ITGA11: variants seen among roughly 807,000 people sequenced by gnomAD.
ITGA11 encodes integrin subunit alpha 11, also known as integrin alpha-11.
In ITGA11, 97 loss-of-function variants were observed where a neutral mutation model predicts 141.9. The observed-to-expected ratio is 0.68, with a 90% CI of 0.58 to 0.81. The LOEUF (loss-of-function observed/expected upper bound fraction) is 0.81. ITGA11 is among the 30% of genes least tolerant of loss of function. The pLI is 0.00. For missense variants in ITGA11, 1,387 were observed against 1,559.2 expected (o/e 0.89, Z 1.86); for synonymous variants, 658 against 624.6 (o/e 1.05, Z -0.80).
intron 2 of ITGA11, among the ~76,000 whole-genome samples, chr15:68,378,835 A>C (rs1319562867): frequency 6.6e-6 from 1 of 152,062 alleles, no homozygotes; most frequent in African/African-American, 2.4e-5. Flanking sequence ...TATCATCACA[A>C]ACGTCAACTT....
In ITGA11 at chr15:68,335,631, G is replaced by A; in HGVS notation, c.1425+66C>T. On this transcript the variant is annotated intron_variant, in intron 12 of 29. Coordinates refer to ENST00000315757, the MANE Select transcript of ITGA11 (RefSeq NM_001004439.2). This position sits in a 1 kb window ranked among gnomAD's most constrained non-coding sequence, Gnocchi z 4.9. ...TGGTCCAGGCATGCCTGTATTTACT[G>A]CCCTCCCATTTGTCTGATCTGCCCC... is the stretch of plus-strand genomic sequence containing the variant. The A allele has an allele frequency of 6.4e-7, 1 of 1,553,642 alleles. No individual in the cohort carries two copies. Among genetic ancestry groups the A allele is most frequent in the Non-Finnish European group, 8.8e-7 (1 of 1,137,514 alleles).
At chr15:68,397,196 A>T in intron 2 of ITGA11, among the ~76,000 whole-genome samples, 28 of 34 alleles carry the variant, frequency 0.82, 14 homozygotes, top group Admixed American at 1. Context: ...AATATATTAT[A>T]TATTATATAT....
rs200437386 is a variant in ITGA11 at position 68,315,661 on chromosome 15, C to A, written c.2782G>T (p.Ala928Ser). Residue 928 changes from alanine to serine, a missense_variant, in exon 22 of 30, where the codon GCT becomes TCT. Physicochemically the swap from Ala to Ser is moderately conservative, Grantham distance 99 (BLOSUM62 1). Coordinates refer to ENST00000315757, the MANE Select transcript of ITGA11 (RefSeq NM_001004439.2). ...IFLHHLEIEL[A>S]AGSDSNERDS... ...AGGCACGGCCCTGACCTGCCTGCAG[C>A]GAGCTCGATCTCCAGGTGGTGTAGG... 5 of 1,613,134 alleles carry A rather than the reference C, an allele frequency of 3.1e-6. No individual in the cohort carries two copies. The highest frequency in any genetic ancestry group is 4.2e-6 in the Non-Finnish European group (5 of 1,179,456).
intron 7 of ITGA11, among the ~76,000 whole-genome samples, chr15:68,354,116 C>A (rs763084394): frequency 1.3e-5 from 2 of 152,146 alleles, no homozygotes; most frequent in Non-Finnish European, 2.9e-5. Context: ...GCTCCACTCC[C>A]GCTACCACAC....
At position 68,302,055 on chromosome 15, in the gene ITGA11, A is replaced by AGTGTGTGTGTGTGTGTGTGTGTGT. The variant is rs3084584; in HGVS notation, c.*980_*1003dup. 1.3e-4 allele frequency: 13 copies of AGTGTGTGTGTGTGTGTGTGTGTGT among 103,872 alleles called. No homozygotes were observed. Among genetic ancestry groups the AGTGTGTGTGTGTGTGTGTGTGTGT allele is most frequent in the African/African-American group, 2.2e-4 (6 of 27,472 alleles). The allele number at this position is 103,872 out of a possible 1,614,324, so 6.4% of individuals were successfully genotyped here. ...CGGGCATGAGGGAAGGATGGGAGGC[A>AGTGTGTGTGTGTGTGTGTGTGTGT]GTGTGTGTGTGTGTGTGTGTGTGTG... On this transcript the variant is annotated 3_prime_UTR_variant, in exon 30 of 30. Coordinates refer to ENST00000315757, the MANE Select transcript of ITGA11 (RefSeq NM_001004439.2).
In ITGA11 at chr15:68,348,707, A is replaced by G. The variant is rs1378993115; in HGVS notation, c.1131+123T>C. 3.8e-6 allele frequency: 3 copies of G among 791,014 alleles called. No homozygotes were observed. In the African/African-American group the frequency reaches 5.2e-5, roughly 14 times the overall value. The allele number at this position is 791,014 out of a possible 1,614,324, so 49.0% of individuals were successfully genotyped here. A position where few individuals can be genotyped will look rare whatever the true frequency, so the allele number is the denominator to read the frequency against. ...GGCAGAGAGACCCCAAGAAAGAGAG[A>G]AAGTGAGGAGAAGAGCCAACCCATC... On this transcript the variant is annotated intron_variant, in intron 10 of 29. Coordinates refer to ENST00000315757, the MANE Select transcript of ITGA11 (RefSeq NM_001004439.2).
At chr15:68,351,482 C>A in intron 7 of ITGA11, 80 bp from the exon 8 acceptor site, 1 of 1,497,180 alleles carries the variant, frequency 6.7e-7, no homozygotes, top group South Asian at 1.3e-5. Flanking sequence ...AGAGGGGCAG[C>A]CACAGAAACC....
intron 1 of ITGA11, among the ~76,000 whole-genome samples, chr15:68,411,702 T>C (rs1896774496): frequency 6.6e-6 from 1 of 152,176 alleles, no homozygotes; most frequent in Non-Finnish European, 1.5e-5. Flanking sequence ...TGCACACCCT[T>C]TACCATGGGA....
At chr15:68,386,543 G>C (rs372952513) in intron 2 of ITGA11, among the ~76,000 whole-genome samples, 2 of 152,184 alleles carry the variant, frequency 1.3e-5, no homozygotes, top group Non-Finnish European at 2.9e-5. Flanking sequence ...AGGGCGATGA[G>C]AGTGAGGCTT....
rs774820701 is a variant in ITGA11 at position 68,303,928 on chromosome 15, G to A, written c.3382-43C>T. ...CCGGGCCAACAGCATTACTCTTCTGGGGCTGGGGTGGCAGTCTGGGAGGGG... is the reference window on the plus strand; with the variant it reads ...CCGGGCCAACAGCATTACTCTTCTGAGGCTGGGGTGGCAGTCTGGGAGGGG... On this transcript the variant is annotated intron_variant, in intron 28 of 29. Coordinates refer to ENST00000315757, the MANE Select transcript of ITGA11 (RefSeq NM_001004439.2). This position sits in a 1 kb window ranked among gnomAD's most constrained non-coding sequence, Gnocchi z 5.3. The A allele has an allele frequency of 7.4e-7, 1 of 1,349,000 alleles. No homozygotes were observed. Among genetic ancestry groups the A allele is most frequent in the African/African-American group, 1.4e-5 (1 of 69,646 alleles). 83.6% of individuals were successfully genotyped at this position (1,349,000 alleles called of 1,614,324 possible).
chr15:68,350,426 G>A (rs562276681), intron 9 of ITGA11, among the ~76,000 whole-genome samples, 191 bp downstream of exon 9: 33 of 152,236 alleles, frequency 2.2e-4, no homozygotes, highest in Non-Finnish European at 3.5e-4. Flanking sequence ...CTGAACTGAA[G>A]CAATTCGCTC....
At position 68,296,621 on chromosome 15, in the gene ITGA11, T is replaced by TG. The variant is rs1567116000; in HGVS notation, c.*6437_*6438insC. ...GGTGTTTGCTTTGGGGTTGTGTGTG[T>TG]TTTTTTTCTACTTGTTAGAAGTTCC... On this transcript the variant is annotated 3_prime_UTR_variant, in exon 30 of 30. Coordinates refer to ENST00000315757, the MANE Select transcript of ITGA11 (RefSeq NM_001004439.2). 59 of 151,708 alleles carry TG rather than the reference T, an allele frequency of 3.9e-4. No individual in the cohort carries two copies. Among genetic ancestry groups the TG allele is most frequent in the African/African-American group, 1.3e-3 (52 of 41,100 alleles). 9.4% of individuals were successfully genotyped at this position (151,708 alleles called of 1,614,324 possible).
At position 68,321,386 on chromosome 15, in the gene ITGA11, GGCGAGGGTGGGGGTGGAAGGA is replaced by G; in HGVS notation, c.2408+11_2408+31del. The G allele has an allele frequency of 7.0e-7, 1 of 1,437,228 alleles. No individual in the cohort carries two copies. The allele number at this position is 1,437,228 out of a possible 1,614,324, so 89.0% of individuals were successfully genotyped here. A position where few individuals can be genotyped will look rare whatever the true frequency, so the allele number is the denominator to read the frequency against. ...GAGCCTCTGGCAGTGAAGGGGAAGG[GGCGAGGGTGGGGGTGGAAGGA>G]GCCAACTCACATGGCCGTGGGCAGG... is the stretch of plus-strand genomic sequence containing the variant. On this transcript the variant is annotated intron_variant, in intron 19 of 29. Transcript: ENST00000315757. This position sits in a 1 kb window ranked among gnomAD's most constrained non-coding sequence, Gnocchi z 4.9.
At position 68,350,605 on chromosome 15, in the gene ITGA11, T is replaced by C. The variant is rs781463289; in HGVS notation, c.1060+12A>G. On this transcript the variant is annotated intron_variant, in intron 9 of 29. Coordinates refer to ENST00000315757, the MANE Select transcript of ITGA11 (RefSeq NM_001004439.2). ...GGAGAGAGTGGATCCCCTCTTAGCATGCATTGCTTACCTTCCAGGCTGAAG... is the reference window on the plus strand; with the variant it reads ...GGAGAGAGTGGATCCCCTCTTAGCACGCATTGCTTACCTTCCAGGCTGAAG... 4 of 1,610,898 alleles carry C rather than the reference T, an allele frequency of 2.5e-6. No individual in the cohort carries two copies. Among genetic ancestry groups the C allele is most frequent in the Non-Finnish European group, 3.4e-6 (4 of 1,178,166 alleles).
In ITGA11 at chr15:68,321,544, C is replaced by A; in HGVS notation, c.2323-41G>T. The A allele has an allele frequency of 7.2e-7, 1 of 1,395,772 alleles. No homozygotes were observed. Among genetic ancestry groups the A allele is most frequent in the Non-Finnish European group, 9.9e-7 (1 of 1,008,686 alleles). The allele number at this position is 1,395,772 out of a possible 1,614,324, so 86.5% of individuals were successfully genotyped here. On this transcript the variant is annotated intron_variant, in intron 18 of 29. Coordinates refer to ENST00000315757, the MANE Select transcript of ITGA11 (RefSeq NM_001004439.2). This position sits in a 1 kb window ranked among gnomAD's most constrained non-coding sequence, Gnocchi z 4.9. The stretch of plus-strand genomic sequence containing the variant: ...CCAGGTGTGGGCAGCTGGGTAGGGA[C>A]CCGCAGCCCCTCGCCCTCAATGTAC...
chr15:68,311,207 C>G, intron 25 of ITGA11, 83 bp downstream of exon 25: 1 of 1,268,060 alleles, frequency 7.9e-7, no homozygotes, highest in Non-Finnish European at 1.1e-6. Flanking sequence ...GAGCTGGGGT[C>G]TGGGAACCTG....
chr15:68,359,822 A>G (rs72743269), intron 5 of ITGA11, among the ~76,000 whole-genome samples: 2 of 152,148 alleles, frequency 1.3e-5, no homozygotes, highest in African/African-American at 2.4e-5. Flanking sequence ...CTTTGAAATA[A>G]TGCATACACT....
chr15:68,397,150 A>T (rs182256133), intron 2 of ITGA11, among the ~76,000 whole-genome samples: 70 of 74 alleles, frequency 0.95, 35 homozygotes, highest in African/African-American at 1. Context: ...TTATATATTA[A>T]TTATTATTTA....
At chr15:68,418,605 A>G (rs1449058248) in intron 1 of ITGA11, among the ~76,000 whole-genome samples, 2 of 123,194 alleles carry the variant, frequency 1.6e-5, no homozygotes, top group Non-Finnish European at 3.2e-5. Context: ...TTACTACACA[A>G]CTGCAGAGGA....
Sources: allele counts gnomAD v4.1 joint callset (sites outside exome capture counted in the v4.1 genomes callset), GRCh38; gene constraint gnomAD v4.1.1; non-coding constraint Gnocchi (gnomAD v3.1); transcripts MANE v1.5; gene names NCBI Gene and HGNC (gene_info 2026-07-23, HGNC 2026-07-21).